The following PXYLP1 variants were observed in gnomAD, a reference collection of about 807,000 sequenced individuals.
PXYLP1 encodes the protein 2-phosphoxylose phosphatase 1.
PXYLP1 carries 17 observed loss-of-function variants against 37.9 expected under a neutral mutation model. That is an observed-to-expected ratio of 0.45 (90% CI 0.31 to 0.67). PXYLP1 has a LOEUF of 0.67. PXYLP1 is among the 30% of genes least tolerant of loss of function. The pLI, the probability that PXYLP1 is intolerant of heterozygous loss-of-function variation, is 0.07. For synonymous variants in PXYLP1, 221 were observed against 232.2 expected (o/e 0.95, Z 0.44); for missense variants, 511 against 612.0 (o/e 0.84, Z 1.74).
In PXYLP1 at chr3:141,279,451, T is replaced by G. The variant is rs1425092192; in HGVS notation, c.312T>G (p.Tyr104Ter). 1.2e-6 allele frequency: 2 copies of G among 1,614,252 alleles called. No homozygotes were observed. Among genetic ancestry groups the G allele is most frequent in the Non-Finnish European group, 1.7e-6 (2 of 1,180,040 alleles). The change falls in exon 4 of 6, where the codon TAT becomes TAG. Residue 104 changes from tyrosine (Y) to a stop codon, truncating the protein, a stop_gained. Transcript: ENST00000286353. LOFTEE classifies it high-confidence loss of function. ...FIRHGDRYPL[Y>*]VIPKTKRPEI... is the part of the protein sequence containing the mutation. ...GCCACGGAGACAGGTACCCACTGTA[T>G]GTCATTCCCAAAACAAAGCGACCAG...
chr3:141,232,731 G>A (rs983852916), intron 1 of PXYLP1, among the ~76,000 whole-genome samples: 21 of 152,216 alleles, frequency 1.4e-4, no homozygotes, highest in African/African-American at 5.1e-4. Context: ...CTTTGCAGCC[G>A]CAGCTGCCTT....
intron 2 of PXYLP1, among the ~76,000 whole-genome samples, chr3:141,270,524 G>A (rs1237535745): frequency 6.6e-6 from 1 of 152,236 alleles, no homozygotes; most frequent in Non-Finnish European, 1.5e-5. Flanking sequence ...GAGCACTAAG[G>A]GAATTGTGGG....
intron 1 of PXYLP1, among the ~76,000 whole-genome samples, chr3:141,233,319 G>A (rs1215643375): frequency 6.6e-6 from 1 of 152,086 alleles, no homozygotes; most frequent in Non-Finnish European, 1.5e-5. Flanking sequence ...TACAAAATTA[G>A]CCAGGCGTGG....
In PXYLP1 at chr3:141,279,441, A is replaced by G. The variant is rs1239416243; in HGVS notation, c.302A>G (p.Tyr101Cys). The change falls in exon 4 of 6, where the codon TAC (tyrosine) becomes TGC (cysteine). Residue 101 changes from tyrosine (Y) to cysteine (C), a missense_variant. Tyr to Cys is a radical substitution (Grantham distance 194). Transcript: ENST00000286353. ...VHVFIRHGDR[Y>C]PLYVIPKTKR... ...GTGTTCATTCGCCACGGAGACAGGTACCCACTGTATGTCATTCCCAAAACA... is the reference window on the plus strand; with the variant it reads ...GTGTTCATTCGCCACGGAGACAGGTGCCCACTGTATGTCATTCCCAAAACA... 1.9e-6 allele frequency: 3 copies of G among 1,614,238 alleles called. No homozygotes were observed. Among genetic ancestry groups the G allele is most frequent in the Admixed American group, 3.3e-5 (2 of 60,034 alleles).
At chr3:141,245,652 AAGG>A (rs1404434223) in intron 1 of PXYLP1, among the ~76,000 whole-genome samples, 2 of 152,228 alleles carry the variant, frequency 1.3e-5, no homozygotes, top group Non-Finnish European at 2.9e-5. Flanking sequence ...ATAGAAAAGA[AAGG>A]AGAAGAAACA....
chr3:141,270,592 A>G (rs1029187760), intron 2 of PXYLP1, among the ~76,000 whole-genome samples: 1 of 152,196 alleles, frequency 6.6e-6, no homozygotes, highest in Non-Finnish European at 1.5e-5. Flanking sequence ...AGAATTCAAG[A>G]ACCTTTTGGT....
intron 1 of PXYLP1, among the ~76,000 whole-genome samples, chr3:141,253,448 C>A (rs986773218): frequency 1.3e-5 from 2 of 152,198 alleles, no homozygotes; most frequent in Non-Finnish European, 2.9e-5. Flanking sequence ...ACCTTTAACA[C>A]CATCCCTTGA....
intron 2 of PXYLP1, among the ~76,000 whole-genome samples, chr3:141,270,781 G>A (rs1576595115): frequency 6.6e-6 from 1 of 152,286 alleles, no homozygotes; most frequent in African/African-American, 2.4e-5. Flanking sequence ...AGGGGTGGAC[G>A]CAGGGGTTTG....
At chr3:141,242,983 G>C (rs1940848739) in intron 1 of PXYLP1, among the ~76,000 whole-genome samples, 2 of 152,194 alleles carry the variant, frequency 1.3e-5, no homozygotes, top group African/African-American at 4.8e-5. Context: ...ATTACTACTT[G>C]CAGGTGAGGA....
Position 141,292,644 on chromosome 3 carries a change from C to T in PXYLP1, c.882C>T (p.Pro294=), listed in dbSNP as rs1231984252. Residue 294 remains proline (P), a synonymous_variant, in exon 6 of 6, where the codon CCC becomes CCT. Transcript: ENST00000286353. This position sits in a 1 kb window ranked among gnomAD's most constrained non-coding sequence, Gnocchi z 4.3. ...VPTKQLRAAN[P]IDSMLCHFCH... Reference sequence around the variant, plus strand: ...CCAAGCAGCTTAGAGCTGCCAACCCCATAGACTCCATGCTCTGCCACTTCT... The same window carrying T: ...CCAAGCAGCTTAGAGCTGCCAACCCTATAGACTCCATGCTCTGCCACTTCT... 6.2e-7 allele frequency: 1 copy of T among 1,613,468 alleles called. No homozygotes were observed. Among genetic ancestry groups the T allele is most frequent in the African/African-American group, 1.3e-5 (1 of 74,918 alleles).
intron 1 of PXYLP1, among the ~76,000 whole-genome samples, chr3:141,246,445 C>T (rs1465530100): frequency 2.6e-5 from 4 of 152,006 alleles, no homozygotes; most frequent in South Asian, 2.1e-4. Flanking sequence ...CTAAACAAGG[C>T]GGGTGAGTTG....
intron 5 of PXYLP1, among the ~76,000 whole-genome samples, chr3:141,288,734 CA>C (rs1230023239): frequency 3.3e-5 from 5 of 152,104 alleles, no homozygotes; most frequent in Admixed American, 3.3e-4. Context: ...TCTCTACAAA[CA>C]ATTTTTTAAA....
intron 2 of PXYLP1, among the ~76,000 whole-genome samples, chr3:141,270,134 G>A (rs542843271): frequency 1.6e-4 from 24 of 152,366 alleles, no homozygotes; most frequent in African/African-American, 3.1e-4. Context: ...GCTACCAGGC[G>A]TATCAGAAGC....
At chr3:141,283,412 G>A (rs1941999192) in intron 4 of PXYLP1, among the ~76,000 whole-genome samples, 1 of 152,100 alleles carries the variant, frequency 6.6e-6, no homozygotes, top group Non-Finnish European at 1.5e-5. Flanking sequence ...AGGAGTGAGG[G>A]ATGGGCCAAA....
At chr3:141,278,531 C>A (rs763514824) in intron 3 of PXYLP1, 31 bp downstream of exon 3, 41 of 1,611,872 alleles carry the variant, frequency 2.5e-5, no homozygotes, top group Middle Eastern at 1.6e-4. Context: ...AGGACAGATA[C>A]CCCTTTGGGG....
chr3:141,237,304 C>T (rs966676545), intron 1 of PXYLP1, among the ~76,000 whole-genome samples: 1 of 152,156 alleles, frequency 6.6e-6, no homozygotes, highest in Non-Finnish European at 1.5e-5. Flanking sequence ...CACCCAGAAA[C>T]CTGAAAGGAC....
At chr3:141,251,211 G>C (rs1941132263) in intron 1 of PXYLP1, among the ~76,000 whole-genome samples, 1 of 152,236 alleles carries the variant, frequency 6.6e-6, no homozygotes, top group African/African-American at 2.4e-5. Context: ...AAAATGATTT[G>C]AGCTGGAAGG....
chr3:141,248,673 GTGTA>G, intron 1 of PXYLP1, among the ~76,000 whole-genome samples: 2 of 50,792 alleles, frequency 3.9e-5, no homozygotes, highest in Admixed American at 2.3e-4. Flanking sequence ...ATACACACAC[GTGTA>G]TATATACACA....
chr3:141,255,793 G>T (rs567967758), intron 1 of PXYLP1, among the ~76,000 whole-genome samples: 1 of 152,246 alleles, frequency 6.6e-6, no homozygotes, highest in Admixed American at 6.5e-5. Flanking sequence ...GAGATGGAAA[G>T]GGGGAAAGGG....
Sources: allele counts gnomAD v4.1 joint callset (sites outside exome capture counted in the v4.1 genomes callset), GRCh38; gene constraint gnomAD v4.1.1; non-coding constraint Gnocchi (gnomAD v3.1); transcripts MANE v1.5; gene names NCBI Gene and HGNC (gene_info 2026-07-23, HGNC 2026-07-21).